Variants in PARD3B observed in about 807,000 individuals in gnomAD.
The protein encoded by PARD3B is partitioning defective 3 homolog B.
Under a neutral mutation model 130.2 loss-of-function variants are expected in PARD3B, and 103 were observed. The ratio of observed to expected loss-of-function variants is 0.79; its 90% CI spans 0.67 to 0.93. The LOEUF is 0.93. PARD3B is among the 40% of genes least tolerant of loss of function. The pLI is 0.00. For synonymous variants in PARD3B, 583 were observed against 553.2 expected (o/e 1.05, Z -0.76); for missense variants, 1,609 against 1,499.2 (o/e 1.07, Z -1.21).
chr2:204,757,902 G>A (rs926050013), intron 2 of PARD3B, among the ~76,000 whole-genome samples: 2 of 152,174 alleles, frequency 1.3e-5, no homozygotes, highest in Non-Finnish European at 2.9e-5. Flanking sequence ...TCAGGGAATA[G>A]TGGTGGGCCC....
At chr2:205,054,408 A>T (rs1464412274) in intron 4 of PARD3B, among the ~76,000 whole-genome samples, 1 of 29,754 alleles carries the variant, frequency 3.4e-5, no homozygotes, top group Admixed American at 4.4e-4. Context: ...TGTCTTTTAT[A>T]TATATATATA....
chr2:205,111,290 T>C (rs1255634355), intron 5 of PARD3B, among the ~76,000 whole-genome samples: 1 of 152,042 alleles, frequency 6.6e-6, no homozygotes, highest in Non-Finnish European at 1.5e-5. Context: ...TCAAAAATGC[T>C]TCTAGCTACA....
chr2:204,964,315 C>T (rs533860145), intron 2 of PARD3B, among the ~76,000 whole-genome samples: 13 of 152,098 alleles, frequency 8.5e-5, no homozygotes, highest in Non-Finnish European at 1.5e-4. Flanking sequence ...TCAGCAGAGC[C>T]GTCGTCACTG....
At position 205,253,262 on chromosome 2, in the gene PARD3B, T is replaced by C. The variant is rs73068910; in HGVS notation, c.2185+7440T>C. 48,508 of 468,204 alleles carry C rather than the reference T, an allele frequency of 0.1. 2,846 individuals are homozygous for C. Among genetic ancestry groups the C allele is most frequent in the African/African-American group, 0.17 (8,700 of 50,382 alleles). 29.0% of individuals were successfully genotyped at this position (468,204 alleles called of 1,614,324 possible). On this transcript the variant is annotated intron_variant, in intron 16 of 22. Transcript: ENST00000406610. The surrounding 1 kb of genome is among the most constrained non-coding windows in gnomAD (Gnocchi z 4.4). ...CAAGAGTGAGAAGATAGAGACAGGG[T>C]AGATAGACACTTAAGAGTAAAATGT...
chr2:205,252,853 CA>C (rs770957813), intron 16 of PARD3B, among the ~76,000 whole-genome samples: 201 of 80,386 alleles, frequency 2.5e-3, no homozygotes, highest in Non-Finnish European at 2.8e-3. Context: ...CCCCCCCCAC[CA>C]AAAAAAAAAA....
intron 2 of PARD3B, among the ~76,000 whole-genome samples, chr2:204,955,745 TA>T (rs1388503809): frequency 6.6e-6 from 1 of 152,138 alleles, no homozygotes; most frequent in Non-Finnish European, 1.5e-5. Context: ...TAGCACATAG[TA>T]AGGGCTATAT....
intron 18 of PARD3B, among the ~76,000 whole-genome samples, chr2:205,357,635 G>A (rs2044243548): frequency 6.8e-6 from 1 of 146,266 alleles, no homozygotes; most frequent in Non-Finnish European, 1.5e-5. Context: ...CTCAGGAAAT[G>A]GAAGAATACT....
Position 204,799,020 on chromosome 2 carries a change from CT to C in PARD3B, c.222+112742del, listed in dbSNP as rs2042472333. Reference sequence around the variant, plus strand: ...AAAGGAGAAGGAAGAGTAAAGGGGACTTTTCCTTTACTCACCAGCTCAGCCA... The same window carrying C: ...AAAGGAGAAGGAAGAGTAAAGGGGACTTTCCTTTACTCACCAGCTCAGCCA... On this transcript the variant is annotated intron_variant, in intron 2 of 22. Coordinates refer to ENST00000406610, the MANE Select transcript of PARD3B (RefSeq NM_001302769.2). The surrounding 1 kb of genome is among the most constrained non-coding windows in gnomAD (Gnocchi z 4.1). 1.3e-5 allele frequency among the ~76,000 whole-genome samples: 2 copies of C among 151,992 alleles called. No individual in the cohort carries two copies. Among genetic ancestry groups the C allele is most frequent in the South Asian group, 4.2e-4 (2 of 4,812 alleles).
intron 13 of PARD3B, among the ~76,000 whole-genome samples, chr2:205,180,489 A>G (rs943702943): frequency 2.6e-5 from 4 of 152,104 alleles, no homozygotes; most frequent in African/African-American, 7.2e-5. Context: ...GATTGCCACT[A>G]CCAGTTTTTT....
In PARD3B at chr2:205,158,480, C is replaced by T. The variant is rs1051839868; in HGVS notation, c.1435-242C>T. 1.3e-5 allele frequency among the ~76,000 whole-genome samples: 2 copies of T among 152,284 alleles called. No individual in the cohort carries two copies. The highest frequency in any genetic ancestry group is 3.9e-4 in the East Asian group (2 of 5,180). ...GATTGCATCGCTCTGACTTGCCAAA[C>T]GATCCTCTCTATTGACCATTACCGA... On this transcript the variant is annotated intron_variant, in intron 10 of 22. Transcript: ENST00000406610. This position sits in a 1 kb window ranked among gnomAD's most constrained non-coding sequence, Gnocchi z 5.4.
At chr2:205,503,921 AT>A (rs2050253353) in intron 21 of PARD3B, among the ~76,000 whole-genome samples, 1 of 152,038 alleles carries the variant, frequency 6.6e-6, no homozygotes, top group Non-Finnish European at 1.5e-5. Context: ...TAGGTATTTT[AT>A]TCTCTTTGAA....
At chr2:204,762,964 T>A (rs2040974093) in intron 2 of PARD3B, among the ~76,000 whole-genome samples, 1 of 152,120 alleles carries the variant, frequency 6.6e-6, no homozygotes. Flanking sequence ...TTCTCCATGT[T>A]GGTCAGGCTG....
At chr2:204,838,245 C>T (rs950452995) in intron 2 of PARD3B, among the ~76,000 whole-genome samples, 2 of 149,620 alleles carry the variant, frequency 1.3e-5, no homozygotes, top group Non-Finnish European at 3.0e-5. Context: ...TGCAGTGGCA[C>T]GATCTCGGCT....
chr2:205,249,003 A>T (rs2039706962), intron 16 of PARD3B, among the ~76,000 whole-genome samples: 1 of 138,406 alleles, frequency 7.2e-6, no homozygotes, highest in African/African-American at 2.9e-5. Flanking sequence ...GGTTAAAATA[A>T]GAGTTTTTTT....
intron 3 of PARD3B, among the ~76,000 whole-genome samples, chr2:204,996,489 TCAGA>T (rs1486951776): frequency 2.6e-5 from 4 of 152,162 alleles, no homozygotes; most frequent in Non-Finnish European, 4.4e-5. Flanking sequence ...TTCAAAGCTG[TCAGA>T]CAGGGCCATT....
intron 1 of PARD3B, among the ~76,000 whole-genome samples, chr2:204,674,451 A>G (rs1371737460): frequency 6.7e-6 from 1 of 149,736 alleles, no homozygotes; most frequent in African/African-American, 2.4e-5. Context: ...TCCTTTTTGA[A>G]GATCAGAGGC....
intron 10 of PARD3B, among the ~76,000 whole-genome samples, chr2:205,127,883 C>G (rs923599368): frequency 1.3e-5 from 2 of 152,174 alleles, no homozygotes; most frequent in Non-Finnish European, 2.9e-5. Flanking sequence ...AACTTGGAGT[C>G]TGGATTTTTT....
At position 205,268,370 on chromosome 2, in the gene PARD3B, A is replaced by T. The variant is rs1472754715; in HGVS notation, c.2185+22548A>T. Among the ~76,000 whole-genome samples, 1 of 152,222 alleles carries T rather than the reference A, an allele frequency of 6.6e-6. No individual in the cohort carries two copies. The highest frequency in any genetic ancestry group is 2.4e-5 in the African/African-American group (1 of 41,460). ...AAAATAAGCATCAACTTGGAAATCAAATTGACTTTTTTCTTAACACTGAAC... is the reference window on the plus strand; with the variant it reads ...AAAATAAGCATCAACTTGGAAATCATATTGACTTTTTTCTTAACACTGAAC... On this transcript the variant is annotated intron_variant, in intron 16 of 22. Transcript: ENST00000406610. The surrounding 1 kb of genome is among the most constrained non-coding windows in gnomAD (Gnocchi z 4.1).
intron 2 of PARD3B, among the ~76,000 whole-genome samples, chr2:204,858,313 C>T (rs2045037443): frequency 6.6e-6 from 1 of 151,964 alleles, no homozygotes; most frequent in African/African-American, 2.4e-5. Flanking sequence ...GATACAGAGA[C>T]AATCTAGGTA....
Sources: allele counts gnomAD v4.1 joint callset (sites outside exome capture counted in the v4.1 genomes callset), GRCh38; gene constraint gnomAD v4.1.1; non-coding constraint Gnocchi (gnomAD v3.1); transcripts MANE v1.5; gene names NCBI Gene and HGNC (gene_info 2026-07-23, HGNC 2026-07-21).